Variants in ADAD1 observed in about 807,000 individuals in gnomAD.
The protein encoded by ADAD1 is adenosine deaminase domain-containing protein 1.
In ADAD1, 46 loss-of-function variants were observed where a neutral mutation model predicts 66.8. The observed-to-expected ratio is 0.69, with a 90% CI of 0.54 to 0.88. The LOEUF is 0.88. ADAD1 is among the 40% of genes least tolerant of loss of function. The pLI, the probability that ADAD1 is intolerant of heterozygous loss-of-function variation, is 0.00. For synonymous variants in ADAD1, 248 were observed against 229.4 expected, an observed-to-expected ratio of 1.08 and a Z score of -0.73; for missense variants, 617 against 681.8, an observed-to-expected ratio of 0.91 and a Z score of 1.06.
chr4:122,398,057 T>C (rs1795796460), intron 7 of ADAD1, among the ~76,000 whole-genome samples: 1 of 152,142 alleles, frequency 6.6e-6, no homozygotes, highest in Non-Finnish European at 1.5e-5. Context: ...ATAAGTTCTT[T>C]AGTGGCGATT....
intron 5 of ADAD1, among the ~76,000 whole-genome samples, chr4:122,388,439 A>G (rs1795278349): frequency 1.3e-5 from 2 of 152,192 alleles, no homozygotes; most frequent in South Asian, 4.1e-4. Flanking sequence ...TTCAGAAGGA[A>G]TGGTACCAGC....
At chr4:122,380,299 G>A in intron 3 of ADAD1, 58 bp downstream of exon 3, 1 of 1,542,722 alleles carries the variant, frequency 6.5e-7, no homozygotes, top group Non-Finnish European at 8.8e-7. Flanking sequence ...AGGATGGCCA[G>A]TAAGTTCTGT....
chr4:122,380,249 T>G lies in ADAD1; in HGVS notation c.172+8T>G. The stretch of plus-strand genomic sequence containing the variant: ...AGGTTACGCAAGTAACGGGTACGAC[T>G]TTTTTCATTTGTAACAATGAGTCAG... On this transcript the variant is annotated splice_region_variant and intron_variant, in intron 3 of 12. Coordinates refer to ENST00000296513, the MANE Select transcript of ADAD1 (RefSeq NM_139243.4). 6.3e-7 allele frequency: 1 copy of G among 1,598,976 alleles called. No homozygotes were observed. Among genetic ancestry groups the G allele is most frequent in the Non-Finnish European group, 8.5e-7 (1 of 1,174,736 alleles).
intron 10 of ADAD1, among the ~76,000 whole-genome samples, chr4:122,413,189 A>T (rs1235555058): frequency 6.6e-6 from 1 of 152,102 alleles, no homozygotes; most frequent in Non-Finnish European, 1.5e-5. Flanking sequence ...TTTTCAAAGC[A>T]CTCAGCATGC....
At position 122,415,489 on chromosome 4, in the gene ADAD1, A is replaced by G. The variant is rs1440211672; in HGVS notation, c.1360A>G (p.Ile454Val). 1.2e-6 allele frequency: 2 copies of G among 1,613,848 alleles called. No homozygotes were observed. Among genetic ancestry groups the G allele is most frequent in the East Asian group, 2.2e-5 (1 of 44,866 alleles). The change falls in exon 11 of 13, where the codon ATT (isoleucine) becomes GTT (valine). Residue 454 changes from isoleucine (I) to valine (V), a missense_variant. Ile to Val is a conservative substitution (Grantham distance 29). Transcript: ENST00000296513. ...PMFYLVNRPH[I>V]SLVPSAYPLQ... is the part of the protein sequence containing the mutation. ...GTTTTACTTAGTCAACAGACCTCATATTAGTTTAGTACCCTCTGCATATCC... is the reference window on the plus strand; with the variant it reads ...GTTTTACTTAGTCAACAGACCTCATGTTAGTTTAGTACCCTCTGCATATCC...
intron 10 of ADAD1, 122 bp from the exon 11 acceptor site, chr4:122,415,257 A>G (rs1220243588): frequency 4.2e-6 from 3 of 711,140 alleles, no homozygotes. Context: ...GAACTAGGAA[A>G]GGGAAGGTTG....
intron 8 of ADAD1, among the ~76,000 whole-genome samples, chr4:122,409,130 GAAGA>G (rs1796358776): frequency 6.6e-6 from 1 of 152,126 alleles, no homozygotes; most frequent in Non-Finnish European, 1.5e-5. Context: ...GACATATCTT[GAAGA>G]GAGAGGGAGA....
chr4:122,393,762 T>G, intron 6 of ADAD1, 105 bp downstream of exon 6: 1 of 809,254 alleles, frequency 1.2e-6, no homozygotes, highest in Non-Finnish European at 1.8e-6. Context: ...CATTAACACT[T>G]TATCATCCAA....
chr4:122,390,363 T>C (rs991478506), intron 5 of ADAD1, among the ~76,000 whole-genome samples: 3 of 152,200 alleles, frequency 2.0e-5, no homozygotes, highest in Non-Finnish European at 2.9e-5. Flanking sequence ...GTGGAGTATC[T>C]TAATGGTGTT....
intron 5 of ADAD1, among the ~76,000 whole-genome samples, chr4:122,393,136 T>C (rs1299600017): frequency 6.6e-6 from 1 of 150,638 alleles, no homozygotes; most frequent in Non-Finnish European, 1.5e-5. Flanking sequence ...TTGTAAAGAG[T>C]GAGACTAAAA....
chr4:122,381,059 A>G lies in ADAD1; in HGVS notation c.240A>G (p.Lys80=). The part of the protein sequence containing the change: ...SSISNPVLPP[K]KIPKEFIMKY... ...TTTCAAATCCTGTCCTTCCTCCAAA[A>G]AAAATACCTAAGGAATTTATAATGA... The change falls in exon 4 of 13, where the codon AAA becomes AAG. Residue 80 remains lysine (K), a synonymous_variant. Coordinates refer to ENST00000296513, the MANE Select transcript of ADAD1 (RefSeq NM_139243.4). 6.2e-7 allele frequency: 1 copy of G among 1,601,672 alleles called. No homozygotes were observed. Among genetic ancestry groups the G allele is most frequent in the Non-Finnish European group, 8.5e-7 (1 of 1,177,588 alleles).
chr4:122,383,813 C>A lies in ADAD1; in HGVS notation c.376C>A (p.Pro126Thr). Residue 126 changes from proline to threonine, a missense_variant, in exon 5 of 13, where the codon CCA becomes ACA. Pro to Thr is a conservative substitution (Grantham distance 38). Coordinates refer to ENST00000296513, the MANE Select transcript of ADAD1 (RefSeq NM_139243.4). ...ETVTTGNVMG[P>T]YFAFCAVVDG... ...TCTTTTTCAAGGTAATGTTATGGGACCATATTTTGCCTTTTGTGCTGTGGT... is the reference window on the plus strand; with the variant it reads ...TCTTTTTCAAGGTAATGTTATGGGAACATATTTTGCCTTTTGTGCTGTGGT... 6.3e-7 allele frequency: 1 copy of A among 1,598,634 alleles called. No individual in the cohort carries two copies. The highest frequency in any genetic ancestry group is 8.5e-7 in the Non-Finnish European group (1 of 1,175,428).
intron 3 of ADAD1, 97 bp from the exon 4 acceptor site, chr4:122,380,889 GTGTATC>G: frequency 9.7e-7 from 1 of 1,031,242 alleles, no homozygotes; most frequent in Non-Finnish European, 1.4e-6. Flanking sequence ...ATATGATGAA[GTGTATC>G]TGGGACAACC....
At chr4:122,405,271 C>T (rs1467161056) in intron 7 of ADAD1, among the ~76,000 whole-genome samples, 1 of 152,108 alleles carries the variant, frequency 6.6e-6, no homozygotes, top group Non-Finnish European at 1.5e-5. Context: ...CCCAAATTTC[C>T]ATCCTAAAAA....
chr4:122,425,918 A>T (rs1443515592), intron 12 of ADAD1, among the ~76,000 whole-genome samples: 1 of 152,054 alleles, frequency 6.6e-6, no homozygotes, highest in Non-Finnish European at 1.5e-5. Flanking sequence ...AAAATCAGTT[A>T]TTGGAGCTTC....
At chr4:122,379,806 A>G (rs921963422) in intron 2 of ADAD1, 1 of 363,812 alleles carries the variant, frequency 2.7e-6, no homozygotes, top group South Asian at 6.6e-5. Flanking sequence ...AAGGTCTTTT[A>G]CAGGGACCTC....
rs2150574716 is a variant in ADAD1, at chr4:122,407,916, C to T, written c.733C>T (p.His245Tyr). 6.2e-7 allele frequency: 1 copy of T among 1,612,950 alleles called. No homozygotes were observed. Among genetic ancestry groups the T allele is most frequent in the Non-Finnish European group, 8.5e-7 (1 of 1,179,364 alleles). The change falls in exon 8 of 13, where the codon CAT becomes TAT. Residue 245 changes from histidine to tyrosine, a missense_variant. Transcript: ENST00000296513. ...AAFIIERAGQ[H>Y]EVVAIGTGEY... ...CTACCTTTTTCTTTCAGCTGGACAA[C>T]ATGAGGTTGTAGCTATAGGCACAGG... is the stretch of plus-strand genomic sequence containing the variant.
intron 12 of ADAD1, among the ~76,000 whole-genome samples, chr4:122,423,925 G>T (rs911599972): frequency 2.6e-5 from 4 of 152,166 alleles, no homozygotes; most frequent in Non-Finnish European, 5.9e-5. Context: ...AAAATTAATG[G>T]TGATGGCTGC....
chr4:122,411,582 C>A (rs938872928), intron 9 of ADAD1, among the ~76,000 whole-genome samples, 190 bp downstream of exon 9: 3 of 152,114 alleles, frequency 2.0e-5, no homozygotes, highest in African/African-American at 7.2e-5. Context: ...ATTACTTCTA[C>A]AGGTTGAGCT....
Sources: allele counts gnomAD v4.1 joint callset (sites outside exome capture counted in the v4.1 genomes callset), GRCh38; gene constraint gnomAD v4.1.1; transcripts MANE v1.5; gene names NCBI Gene and HGNC (gene_info 2026-07-23, HGNC 2026-07-21).